Variants in POLR1A observed in about 807,000 individuals in gnomAD.
POLR1A encodes DNA-directed RNA polymerase I subunit RPA1.
In POLR1A, 84 loss-of-function variants were observed where a neutral mutation model predicts 205.3. The ratio of observed to expected loss-of-function variants is 0.41; its 90% CI spans 0.34 to 0.49. The LOEUF (loss-of-function observed/expected upper bound fraction) is 0.49. Among genes scored for constraint, POLR1A ranks in the 20% least tolerant of loss-of-function variants. The pLI is 0.22. For synonymous variants in POLR1A, 799 were observed against 863.7 expected, an observed-to-expected ratio of 0.93 and a Z score of 1.31; for missense variants, 1,645 against 2,204.5, an observed-to-expected ratio of 0.75 and a Z score of 5.08.
chr2:86,063,037 T>C (rs1377643522), intron 14 of POLR1A, among the ~76,000 whole-genome samples: 2 of 152,146 alleles, frequency 1.3e-5, no homozygotes, highest in Admixed American at 6.6e-5. Flanking sequence ...GAAATTTTAA[T>C]TGAAAATCTT....
At chr2:86,088,352 A>ATAT (rs780753236) in intron 6 of POLR1A, among the ~76,000 whole-genome samples, 7 of 152,218 alleles carry the variant, frequency 4.6e-5, no homozygotes, top group Non-Finnish European at 7.3e-5. Context: ...CTGCCTCATA[A>ATAT]AACAGCCCCT....
Position 86,043,116 on chromosome 2 carries a change from A to G in POLR1A, c.3215T>C (p.Ile1072Thr), listed in dbSNP as rs759309402. ...PKKALHHFRA[I>T]KKWQSKHPNT... ...GGGGTGCTTGCTTTGCCATTTTTTG[A>G]TAGCTCTGAAGTGGTGGAGAGCTTT... Residue 1072 changes from isoleucine (I) to threonine (T), a missense_variant, in exon 23 of 34, where the codon ATC becomes ACC. This residue lies in a region of POLR1A where 201 missense variants were observed against 222.3 expected (regional missense o/e 0.90). Coordinates refer to ENST00000263857, the MANE Select transcript of POLR1A (RefSeq NM_015425.6). 6.2e-6 allele frequency: 10 copies of G among 1,614,142 alleles called. No homozygotes were observed. The highest frequency in any genetic ancestry group is 7.6e-6 in the Non-Finnish European group (9 of 1,179,992).
chr2:86,080,086 T>C (rs1038162841), intron 9 of POLR1A, among the ~76,000 whole-genome samples: 2 of 152,104 alleles, frequency 1.3e-5, no homozygotes, highest in Non-Finnish European at 2.9e-5. Flanking sequence ...CGCCACCTTG[T>C]GATGGGCCTG....
At chr2:86,037,881 C>T (rs1672527366) in intron 27 of POLR1A, among the ~76,000 whole-genome samples, 2 of 152,354 alleles carry the variant, frequency 1.3e-5, no homozygotes, top group Non-Finnish European at 2.9e-5. Flanking sequence ...TCCATTCCTG[C>T]ATAGTAACAG....
chr2:86,020,383 C>G lies in POLR1A; in HGVS notation c.*7040G>C, dbSNP rs563462683. ...GCAACATGGTGAAACCCCGTCTCTA[C>G]AAAAAAATTAAAAAATTAGCTGGGC... On this transcript the variant is annotated 3_prime_UTR_variant, in exon 34 of 34. Coordinates refer to ENST00000263857, the MANE Select transcript of POLR1A (RefSeq NM_015425.6). 6.6e-6 allele frequency: 1 copy of G among 151,470 alleles called. No homozygotes were observed. The highest frequency in any genetic ancestry group is 2.4e-5 in the African/African-American group (1 of 41,168). The allele number at this position is 151,470 out of a possible 1,614,324, so 9.4% of individuals were successfully genotyped here. A position where few individuals can be genotyped will look rare whatever the true frequency, so the allele number is the denominator to read the frequency against.
chr2:86,080,857 G>C lies in POLR1A; in HGVS notation c.1045C>G (p.Gln349Glu), dbSNP rs17026866. The stretch of plus-strand genomic sequence containing the variant: ...GTGGCCACTTCCTCTGGCAACTTCT[G>C]TTCTTGGGCCATCAATGCCAGAAGT... ...RKLLALMAQE[Q>E]KLPEEVATPT... The change falls in exon 9 of 34, where the codon CAG (glutamine) becomes GAG (glutamate). Residue 349 changes from glutamine (Q) to glutamate (E), a missense_variant. Gln to Glu is a conservative substitution (Grantham distance 29). Coordinates refer to ENST00000263857, the MANE Select transcript of POLR1A (RefSeq NM_015425.6). 1,039 of 1,613,998 alleles carry C rather than the reference G, an allele frequency of 6.4e-4. 6 individuals are homozygous for C. In the African/African-American group the frequency reaches 0.013, roughly 20 times the overall value.
At chr2:86,080,740 A>C in intron 9 of POLR1A, 76 bp downstream of exon 9, 6 of 1,391,376 alleles carry the variant, frequency 4.3e-6, no homozygotes, top group Non-Finnish European at 5.9e-6. Flanking sequence ...TCCCAGACCC[A>C]GTGTCTACAT....
intron 14 of POLR1A, among the ~76,000 whole-genome samples, chr2:86,063,165 A>G (rs1205630340): frequency 6.6e-6 from 1 of 151,770 alleles, no homozygotes; most frequent in African/African-American, 2.4e-5. Flanking sequence ...GAGAAACCCC[A>G]TCTCTACTAA....
rs1192634172 is a variant in POLR1A at position 86,038,730 on chromosome 2, G to C, written c.4004C>G (p.Pro1335Arg). ...AYYQQEKCLR[P>R]EDILRFMETR... ...TTCCATGAAGCGCAGGATGTCCTCG[G>C]GTCTCAGGCACTTCTCCTGCTGGTA... Residue 1335 changes from proline (P) to arginine (R), a missense_variant, in exon 27 of 34, where the codon CCC becomes CGC. Around this residue, in one of 16 missense-constraint regions of POLR1A, gnomAD observed 394 missense variants for 468.5 expected, o/e 0.84. Coordinates refer to ENST00000263857, the MANE Select transcript of POLR1A (RefSeq NM_015425.6). 6.2e-7 allele frequency: 1 copy of C among 1,613,910 alleles called. No individual in the cohort carries two copies. The highest frequency in any genetic ancestry group is 8.5e-7 in the Non-Finnish European group (1 of 1,179,986).
At chr2:86,082,989 A>G in intron 7 of POLR1A, 93 bp downstream of exon 7, 1 of 955,142 alleles carries the variant, frequency 1.0e-6, no homozygotes, top group Non-Finnish European at 1.7e-6. Context: ...TACAATCACT[A>G]CAACTTAAAA....
chr2:86,065,669 C>T (rs1161000642), intron 13 of POLR1A: 12 of 567,860 alleles, frequency 2.1e-5, no homozygotes, highest in East Asian at 8.9e-5. Flanking sequence ...CTGGCTTCTA[C>T]GTTTGCCATT....
In POLR1A at chr2:86,070,323, A is replaced by G. The variant is rs2104413022; in HGVS notation, c.1612-51T>C. 2.6e-6 allele frequency: 4 copies of G among 1,541,190 alleles called. No individual in the cohort carries two copies. In the East Asian group the frequency reaches 6.8e-5, roughly 26 times the overall value. ...GATCAGTGCAAACGTCAGTATCACCACGGCTCTTTCCAAGTGCTCACCTCA... is the reference window on the plus strand; with the variant it reads ...GATCAGTGCAAACGTCAGTATCACCGCGGCTCTTTCCAAGTGCTCACCTCA... On this transcript the variant is annotated intron_variant, in intron 12 of 33. Coordinates refer to ENST00000263857, the MANE Select transcript of POLR1A (RefSeq NM_015425.6). The surrounding 1 kb of genome is among the most constrained non-coding windows in gnomAD (Gnocchi z 4.4).
intron 7 of POLR1A, among the ~76,000 whole-genome samples, chr2:86,082,622 C>T (rs1261277072): frequency 6.6e-6 from 1 of 151,748 alleles, no homozygotes; most frequent in African/African-American, 2.4e-5. Context: ...CAGCGTTCCA[C>T]AACATACTCT....
chr2:86,094,011 G>A (rs1673657258), intron 3 of POLR1A, among the ~76,000 whole-genome samples: 1 of 152,162 alleles, frequency 6.6e-6, no homozygotes, highest in Admixed American at 6.5e-5. Context: ...GTTTCCTCAT[G>A]ATCAGATTCG....
At chr2:86,045,854 A>C (rs528002027) in intron 19 of POLR1A, 85 bp from the exon 20 acceptor site, 4 of 1,228,350 alleles carry the variant, frequency 3.3e-6, no homozygotes, top group Non-Finnish European at 3.4e-6. Flanking sequence ...GTATAATCTG[A>C]CCTTGAAGAA....
In POLR1A at chr2:86,024,024, CAGGTGTGAACGCCTGGCCT is replaced by C. The variant is rs1690209469; in HGVS notation, c.*3380_*3398del. The C allele has an allele frequency of 6.6e-6, 1 of 152,310 alleles. No individual in the cohort carries two copies. The highest frequency in any genetic ancestry group is 2.1e-4 in the South Asian group (1 of 4,840). 9.4% of individuals were successfully genotyped at this position (152,310 alleles called of 1,614,324 possible). ...TCGGCCTCCCAACGTATTGGGATTA[CAGGTGTGAACGCCTGGCCT>C]GGCCTCAGATATCTGTATATCCATG... On this transcript the variant is annotated 3_prime_UTR_variant, in exon 34 of 34. Transcript: ENST00000263857.
rs759923208 is a variant in POLR1A, at chr2:86,089,913, G to T, written c.449C>A (p.Pro150His). Residue 150 changes from proline (P) to histidine (H), a missense_variant, in exon 4 of 34, where the codon CCC (proline) becomes CAC (histidine). Around this residue, in one of 16 missense-constraint regions of POLR1A, gnomAD observed 330 missense variants for 375.6 expected, o/e 0.88. Coordinates refer to ENST00000263857, the MANE Select transcript of POLR1A (RefSeq NM_015425.6). Reference protein sequence around the residue: ...RILNRFLEENPDPSASEIREE... With the variant: ...RILNRFLEENHDPSASEIREE... ...CCGAATTTCAGAGGCAGAGGGATCGGGATTTTCTTCCAGAAACTGGAAAAC... is the reference window on the plus strand; with the variant it reads ...CCGAATTTCAGAGGCAGAGGGATCGTGATTTTCTTCCAGAAACTGGAAAAC... 5 of 1,593,690 alleles carry T rather than the reference G, an allele frequency of 3.1e-6. No individual in the cohort carries two copies.
chr2:86,096,536 A>C (rs1326339821), intron 3 of POLR1A, among the ~76,000 whole-genome samples: 2 of 152,214 alleles, frequency 1.3e-5, no homozygotes, highest in African/African-American at 4.8e-5. Context: ...TATACTACAA[A>C]GCTGTAGTAA....
intron 8 of POLR1A, among the ~76,000 whole-genome samples, chr2:86,081,310 C>A (rs1022627232): frequency 6.6e-6 from 1 of 152,114 alleles, no homozygotes; most frequent in African/African-American, 2.4e-5. Context: ...GTAGGAGAAT[C>A]ACTTGAACCC....
Sources: gnomAD v4.1 joint callset for allele counts (sites outside exome capture counted in the v4.1 genomes callset) on GRCh38, gnomAD v4.1.1 for gene constraint, gnomAD v4.1.1 regional missense constraint, Gnocchi (gnomAD v3.1) non-coding constraint, MANE v1.5 for transcripts, NCBI Gene and HGNC (gene_info 2026-07-23, HGNC 2026-07-21) for gene names.